Variants in NDUFAF5 observed in about 807,000 individuals in gnomAD.
NDUFAF5 encodes arginine-hydroxylase NDUFAF5, mitochondrial.
NDUFAF5 carries 34 observed loss-of-function variants against 48.9 expected under a neutral mutation model. The observed-to-expected ratio is 0.70, with a 90% CI of 0.53 to 0.93. The LOEUF (loss-of-function observed/expected upper bound fraction) is 0.93, where lower values mean the gene tolerates loss of function less well. Among genes scored for constraint, NDUFAF5 ranks in the 40% least tolerant of loss-of-function variants. The pLI is 0.00. For missense variants in NDUFAF5, 428 were observed against 427.5 expected (o/e 1.00, Z -0.01); for synonymous variants, 153 against 150.6 (o/e 1.02, Z -0.12).
rs754159612 is a variant in NDUFAF5 at position 13,816,923 on chromosome 20, A to G, written c.911A>G (p.Tyr304Cys). 11 of 1,609,736 alleles carry G rather than the reference A, an allele frequency of 6.8e-6. No homozygotes were observed. Among genetic ancestry groups the G allele is most frequent in the African/African-American group, 2.7e-5 (2 of 74,840 alleles). The change falls in exon 10 of 11, where the codon TAT (tyrosine) becomes TGT (cysteine). Residue 304 changes from tyrosine (Y) to cysteine (C), a missense_variant. By Grantham distance (194) the Tyr-to-Cys change is radical (BLOSUM62 -2). Transcript: ENST00000378106. ...TCAGTACCTGCTACATACCAGATCT[A>G]TTACATGATAGGATGGAAATATCAT... ...DGSVPATYQI[Y>C]YMIGWKYHES...
chr20:13,803,343 G>A (rs1568768765), intron 7 of NDUFAF5: 1 of 152,190 alleles, frequency 6.6e-6, no homozygotes, highest in Non-Finnish European at 1.5e-5. Context: ...GAGGTTGCTC[G>A]GCTAGAAAGC....
intron 2 of NDUFAF5, among the ~76,000 whole-genome samples, chr20:13,787,585 G>A (rs907505203): frequency 2.4e-4 from 36 of 152,168 alleles, no homozygotes; most frequent in African/African-American, 8.4e-4. Context: ...CTATCTCCAA[G>A]CCTGAATCCA....
chr20:13,787,573 A>G (rs547621662), intron 2 of NDUFAF5, among the ~76,000 whole-genome samples: 1 of 152,340 alleles, frequency 6.6e-6, no homozygotes, highest in South Asian at 2.1e-4. Context: ...CACAACTCGT[A>G]TCTATCTCCA....
intron 7 of NDUFAF5, among the ~76,000 whole-genome samples, chr20:13,803,875 T>C (rs570439574): frequency 6.6e-6 from 1 of 152,106 alleles, no homozygotes; most frequent in South Asian, 2.1e-4. Context: ...AATCTCTCCC[T>C]CCCAGGTTCA....
rs142855852 is a variant in NDUFAF5 at position 13,816,640 on chromosome 20, G to T, written c.862+94G>T. 1.3e-5 allele frequency: 13 copies of T among 1,025,082 alleles called. No individual in the cohort carries two copies. The East Asian group carries it at 2.0e-4, about 15-fold the overall frequency. 63.5% of individuals were successfully genotyped at this position (1,025,082 alleles called of 1,614,324 possible). A position where few individuals can be genotyped will look rare whatever the true frequency, so the allele number is the denominator to read the frequency against. ...CGTTGCCAATGCATTTTCCATTCCTGTTAAGGCTCCCTCAGACTTCTTGTC... is the reference window on the plus strand; with the variant it reads ...CGTTGCCAATGCATTTTCCATTCCTTTTAAGGCTCCCTCAGACTTCTTGTC... On this transcript the variant is annotated intron_variant, in intron 9 of 10. Transcript: ENST00000378106.
chr20:13,801,587 A>C lies in NDUFAF5; in HGVS notation c.621A>C (p.Glu207Asp), dbSNP rs1254368076. 1.2e-6 allele frequency: 2 copies of C among 1,613,972 alleles called. No homozygotes were observed. Among genetic ancestry groups the C allele is most frequent in the African/African-American group, 2.7e-5 (2 of 74,908 alleles). Residue 207 changes from glutamate to aspartate, a missense_variant, in exon 7 of 11, where the codon GAA becomes GAC. Physicochemically the swap from Glu to Asp is conservative, Grantham distance 45. Coordinates refer to ENST00000378106, the MANE Select transcript of NDUFAF5 (RefSeq NM_024120.5). ...GTTCCTTACAGTTAGCGGAAACGGA[A>C]AGGGAAGGAGGATTTTCTCCACACA... is the stretch of plus-strand genomic sequence containing the variant. ...LRCSLQLAET[E>D]REGGFSPHIS...
chr20:13,785,298 C>CGCGGGGAGGCGGGGCG lies in NDUFAF5; in HGVS notation c.222+14_222+15insAGGCGGGGCGGCGGGG. On this transcript the variant is annotated intron_variant, in intron 1 of 10. Coordinates refer to ENST00000378106, the MANE Select transcript of NDUFAF5 (RefSeq NM_024120.5). ...GACTACCTGAAGGAGGAGGTGAGCC[C>CGCGGGGAGGCGGGGCG]GCGGGGCGGCGGGGCGGCGGGGCGG... 9.6e-7 allele frequency: 1 copy of CGCGGGGAGGCGGGGCG among 1,040,674 alleles called. No individual in the cohort carries two copies. Among genetic ancestry groups the CGCGGGGAGGCGGGGCG allele is most frequent in the Non-Finnish European group, 1.4e-6 (1 of 725,830 alleles). 64.5% of individuals were successfully genotyped at this position (1,040,674 alleles called of 1,614,324 possible).
At position 13,799,496 on chromosome 20, in the gene NDUFAF5, C is replaced by A. The variant is rs538550106; in HGVS notation, c.519+996C>A. Reference sequence around the variant, plus strand: ...GTTGCATCACCTGAGGTTAGGAGTTCGAGACCAGCCTGGCCAACATGGTGA... The same window carrying A: ...GTTGCATCACCTGAGGTTAGGAGTTAGAGACCAGCCTGGCCAACATGGTGA... On this transcript the variant is annotated intron_variant, in intron 6 of 10. Transcript: ENST00000378106. Among the ~76,000 whole-genome samples, 137 of 151,936 alleles carry A rather than the reference C, an allele frequency of 9.0e-4. 1 individual carries two copies. Among genetic ancestry groups the A allele is most frequent in the African/African-American group, 3.0e-3 (125 of 41,444 alleles).
At chr20:13,803,416 A>G (rs1213787958) in intron 7 of NDUFAF5, 1 of 152,268 alleles carries the variant, frequency 6.6e-6, no homozygotes, top group Non-Finnish European at 1.5e-5. Context: ...AATACAGGCA[A>G]TTGTACACTG....
intron 7 of NDUFAF5, among the ~76,000 whole-genome samples, chr20:13,802,362 A>C (rs1239474033): frequency 6.6e-6 from 1 of 151,990 alleles, no homozygotes; most frequent in Non-Finnish European, 1.5e-5. Flanking sequence ...TTGAGCATTT[A>C]TTTCTTTTAA....
At chr20:13,798,399 G>A (rs367718482) in intron 5 of NDUFAF5, 62 bp from the exon 6 acceptor site, 9 of 1,198,556 alleles carry the variant, frequency 7.5e-6, no homozygotes, top group Admixed American at 5.1e-5. Flanking sequence ...TTAACCTGGT[G>A]ATAATTTTAC....
chr20:13,796,590 G>A (rs144745506), intron 5 of NDUFAF5, among the ~76,000 whole-genome samples: 1 of 152,178 alleles, frequency 6.6e-6, no homozygotes, highest in Non-Finnish European at 1.5e-5. Context: ...AGGGGAGGCA[G>A]TTATACCAGA....
chr20:13,797,356 G>A (rs971487779), intron 5 of NDUFAF5, among the ~76,000 whole-genome samples: 4 of 152,224 alleles, frequency 2.6e-5, no homozygotes, highest in Non-Finnish European at 4.4e-5. Flanking sequence ...ATGTCCTTCA[G>A]TAGGTGAATG....
intron 5 of NDUFAF5, 113 bp from the exon 6 acceptor site, chr20:13,798,348 A>C: frequency 3.9e-6 from 3 of 776,770 alleles, no homozygotes; most frequent in Non-Finnish European, 4.6e-6. Flanking sequence ...TTGGATATGC[A>C]GTTTTAAACT....
rs149637004 is a variant in NDUFAF5, at chr20:13,801,636, G to A, written c.670G>A (p.Asp224Asn). Residue 224 changes from aspartate to asparagine, a missense_variant, in exon 7 of 11, where the codon GAC becomes AAC. By Grantham distance (23) the Asp-to-Asn change is conservative. Coordinates refer to ENST00000378106, the MANE Select transcript of NDUFAF5 (RefSeq NM_024120.5). Reference protein sequence around the residue: ...PHISPFTAVNDLGHLLGRAGF... With the variant: ...PHISPFTAVNNLGHLLGRAGF... ...CATTTCTCCTTTCACTGCTGTCAAT[G>A]ACCTGGGACATCTGCTTGGGAGAGC... 3 of 1,614,046 alleles carry A rather than the reference G, an allele frequency of 1.9e-6. No homozygotes were observed. Among genetic ancestry groups the A allele is most frequent in the Non-Finnish European group, 2.5e-6 (3 of 1,180,008 alleles).
intron 8 of NDUFAF5, among the ~76,000 whole-genome samples, chr20:13,815,104 T>C (rs1256888772): frequency 1.3e-5 from 2 of 152,196 alleles, no homozygotes; most frequent in Non-Finnish European, 2.9e-5. Context: ...CATCACATGT[T>C]TATGTCTAAA....
rs1429117571 is a variant in NDUFAF5 at position 13,819,005 on chromosome 20, C to G, written c.*1795C>G. 1 of 152,212 alleles carries G rather than the reference C, an allele frequency of 6.6e-6. No homozygotes were observed. Among genetic ancestry groups the G allele is most frequent in the Non-Finnish European group, 1.5e-5 (1 of 68,040 alleles). 9.4% of individuals were successfully genotyped at this position (152,212 alleles called of 1,614,324 possible). On this transcript the variant is annotated 3_prime_UTR_variant, in exon 11 of 11. Coordinates refer to ENST00000378106, the MANE Select transcript of NDUFAF5 (RefSeq NM_024120.5). ...GGGTGGAGCTAAGGATTACTCTACT[C>G]TGGCTATCCCAAAAAAAGCTCCATT...
chr20:13,799,949 T>G (rs1020494671), intron 6 of NDUFAF5, among the ~76,000 whole-genome samples: 1 of 152,028 alleles, frequency 6.6e-6, no homozygotes, highest in African/African-American at 2.4e-5. Context: ...GGGGAAAGAA[T>G]GTTAATGATC....
At chr20:13,794,203 C>G (rs922767484) in intron 4 of NDUFAF5, among the ~76,000 whole-genome samples, 3 of 151,900 alleles carry the variant, frequency 2.0e-5, no homozygotes, top group Non-Finnish European at 2.9e-5. Context: ...TAGGCTTTTT[C>G]ATCTAAGGGT....
Sources: allele counts gnomAD v4.1 joint callset (sites outside exome capture counted in the v4.1 genomes callset), GRCh38; gene constraint gnomAD v4.1.1; transcripts MANE v1.5; gene names NCBI Gene and HGNC (gene_info 2026-07-23, HGNC 2026-07-21).